Variants in ATR observed in about 807,000 individuals in gnomAD.
ATR encodes serine/threonine-protein kinase ATR.
Under a neutral mutation model 305.3 loss-of-function variants are expected in ATR, and 142 were observed. The ratio of observed to expected loss-of-function variants is 0.47; its 90% CI spans 0.41 to 0.53. ATR has a LOEUF of 0.53. Ranked by LOEUF, ATR falls within the 20% of genes least tolerant of loss-of-function variation. The pLI is 0.00. For synonymous variants in ATR, 1,050 were observed against 1,068.1 expected, an observed-to-expected ratio of 0.98 and a Z score of 0.33; for missense variants, 2,135 against 3,133.1, an observed-to-expected ratio of 0.68 and a Z score of 7.60.
In ATR at chr3:142,533,419, T is replaced by C. The variant is rs541458804; in HGVS notation, c.3945+1661A>G. ...GGCTAGTGGCTACTGCTGAAGAGTA[T>C]AGATATAGAATATTTTCATCCTCAC... On this transcript the variant is annotated intron_variant, in intron 21 of 46. Transcript: ENST00000350721. 3.3e-5 allele frequency among the ~76,000 whole-genome samples: 5 copies of C among 152,316 alleles called. No homozygotes were observed. In the South Asian group the frequency reaches 1.0e-3, roughly 32 times the overall value.
chr3:142,504,663 T>A (rs1195545159), intron 29 of ATR, among the ~76,000 whole-genome samples: 1 of 151,978 alleles, frequency 6.6e-6, no homozygotes, highest in Non-Finnish European at 1.5e-5. Flanking sequence ...AGGGTTTCAC[T>A]ATGTTGGCCA....
chr3:142,533,836 T>C (rs1482472678), intron 21 of ATR, among the ~76,000 whole-genome samples: 2 of 152,168 alleles, frequency 1.3e-5, no homozygotes, highest in African/African-American at 4.8e-5. Context: ...TCTATTAGCA[T>C]TGGGGCTTTA....
intron 1 of ATR, among the ~76,000 whole-genome samples, chr3:142,571,508 T>G (rs576894882): frequency 7.8e-6 from 1 of 127,436 alleles, no homozygotes; most frequent in Non-Finnish European, 1.7e-5. Context: ...AATAAATAAA[T>G]AATCAAAAGC....
At chr3:142,575,355 C>A (rs1230060185) in intron 1 of ATR, among the ~76,000 whole-genome samples, 7 of 151,542 alleles carry the variant, frequency 4.6e-5, no homozygotes, top group Non-Finnish European at 1.5e-5. Context: ...TGGTGCAAGC[C>A]TGTAGTCCCA....
At chr3:142,470,671 C>G (rs974134063) in intron 36 of ATR, among the ~76,000 whole-genome samples, 1 of 152,058 alleles carries the variant, frequency 6.6e-6, no homozygotes, top group African/African-American at 2.4e-5. Context: ...GGAATCAATA[C>G]CTACATATTA....
At chr3:142,568,620 T>G (rs993545232) in intron 1 of ATR, among the ~76,000 whole-genome samples, 1 of 152,178 alleles carries the variant, frequency 6.6e-6, no homozygotes, top group South Asian at 2.1e-4. Flanking sequence ...AGCCCAGCCA[T>G]CCTGGGTGCA....
chr3:142,513,115 TAAAAG>T (rs2032661091), intron 26 of ATR, among the ~76,000 whole-genome samples: 1 of 151,984 alleles, frequency 6.6e-6, no homozygotes, highest in African/African-American at 2.4e-5. Flanking sequence ...ACAGAAGGAT[TAAAAG>T]AAAATATAGC....
chr3:142,534,007 T>C (rs1270571215), intron 21 of ATR, among the ~76,000 whole-genome samples: 2 of 152,114 alleles, frequency 1.3e-5, no homozygotes, highest in African/African-American at 4.8e-5. Context: ...GAGGTGAAGT[T>C]TCCTTATGTT....
At chr3:142,552,666 T>A (rs1280895140) in intron 13 of ATR, among the ~76,000 whole-genome samples, 4 of 81,208 alleles carry the variant, frequency 4.9e-5, no homozygotes, top group South Asian at 3.5e-4. Context: ...CAATACTCCA[T>A]CTCAAAAAAA....
intron 36 of ATR, among the ~76,000 whole-genome samples, chr3:142,479,093 G>C (rs2030200661): frequency 6.6e-6 from 1 of 151,872 alleles, no homozygotes; most frequent in Admixed American, 6.6e-5. Flanking sequence ...TTACATTTAA[G>C]GTTAATATTG....
At chr3:142,471,435 A>G (rs537773016) in intron 36 of ATR, among the ~76,000 whole-genome samples, 1 of 152,158 alleles carries the variant, frequency 6.6e-6, no homozygotes, top group African/African-American at 2.4e-5. Flanking sequence ...TCTTTTTGAG[A>G]CCCATAGAGA....
intron 39 of ATR, among the ~76,000 whole-genome samples, chr3:142,467,490 A>C (rs2071157629): frequency 6.6e-6 from 1 of 152,198 alleles, no homozygotes; most frequent in South Asian, 2.1e-4. Flanking sequence ...GTGTACTAAA[A>C]GAATGAAAAG....
Position 142,508,106 on chromosome 3 carries a change from G to A in ATR, c.4856C>T (p.Ser1619Phe), listed in dbSNP as rs775093063. 1 of 1,608,728 alleles carries A rather than the reference G, an allele frequency of 6.2e-7. No individual in the cohort carries two copies. Among genetic ancestry groups the A allele is most frequent in the Non-Finnish European group, 8.5e-7 (1 of 1,177,790 alleles). ...SNRNKVDSMV[S>F]TVDYEDYQSV... is the part of the protein sequence containing the mutation. ...CTGATAGTCTTCATAATCCACAGTA[G>A]ATACTAGATCATAAAAAAAGTTGAG... Residue 1619 changes from serine to phenylalanine, a missense_variant, in exon 28 of 47, where the codon TCT (serine) becomes TTT (phenylalanine). Transcript: ENST00000350721.
At chr3:142,518,558 G>A (rs544023146) in intron 24 of ATR, among the ~76,000 whole-genome samples, 23 of 152,062 alleles carry the variant, frequency 1.5e-4, no homozygotes, top group Non-Finnish European at 2.5e-4. Context: ...CTTTAATAAG[G>A]CTAATAATAA....
chr3:142,465,406 T>C (rs1577505699), intron 40 of ATR, 166 bp from the exon 41 acceptor site: 2 of 468,712 alleles, frequency 4.3e-6, no homozygotes. Context: ...CTATGACCTA[T>C]GAAAAGAATG....
chr3:142,498,903 CAG>C lies in ATR; in HGVS notation c.5381-131_5381-130del. 6 of 865,748 alleles carry C rather than the reference CAG, an allele frequency of 6.9e-6. No homozygotes were observed. The Middle Eastern group carries it at 1.4e-3, about 200-fold the overall frequency. 53.6% of individuals were successfully genotyped at this position (865,748 alleles called of 1,614,324 possible). A position where few individuals can be genotyped will look rare whatever the true frequency, so the allele number is the denominator to read the frequency against. On this transcript the variant is annotated intron_variant, in intron 31 of 46. Coordinates refer to ENST00000350721, the MANE Select transcript of ATR (RefSeq NM_001184.4). ...TTCATTCCTTTTTTTTTTTTTGAGA[CAG>C]AGTCTCACTCTGTGGTCCAGGATAG...
At position 142,489,510 on chromosome 3, in the gene ATR, C is replaced by A. The variant is rs142596010; in HGVS notation, c.6078+3622G>T. On this transcript the variant is annotated intron_variant, in intron 35 of 46. Transcript: ENST00000350721. The stretch of plus-strand genomic sequence containing the variant: ...GGCAAATACTGATATAATTTCTATG[C>A]ATATACATTAATTATACCTGTTCTA... Among the ~76,000 whole-genome samples the A allele has an allele frequency of 5.3e-4, 81 of 152,282 alleles. 1 individual carries two copies. The highest frequency in any genetic ancestry group is 1.9e-3 in the African/African-American group (78 of 41,560).
intron 21 of ATR, 71 bp downstream of exon 21, chr3:142,535,009 T>C (rs2108423732): frequency 3.4e-6 from 5 of 1,485,834 alleles, no homozygotes; most frequent in Non-Finnish European, 4.6e-6. Flanking sequence ...AAAAATGTCA[T>C]TTTGTCATCT....
At position 142,523,919 on chromosome 3, in the gene ATR, T is replaced by G. The variant is rs2033260694; in HGVS notation, c.4152+74A>C. ...CTTTTATTAAGGATAAGCTGAATAG[T>G]TCTTTGTAAATGAAATATATAAACC... On this transcript the variant is annotated intron_variant, in intron 22 of 46. Transcript: ENST00000350721. 4 of 1,459,742 alleles carry G rather than the reference T, an allele frequency of 2.7e-6. No homozygotes were observed. In the South Asian group the frequency reaches 4.8e-5, roughly 18 times the overall value. 90.4% of individuals were successfully genotyped at this position (1,459,742 alleles called of 1,614,324 possible).
Sources: allele counts gnomAD v4.1 joint callset (sites outside exome capture counted in the v4.1 genomes callset), GRCh38; gene constraint gnomAD v4.1.1; transcripts MANE v1.5; gene names NCBI Gene and HGNC (gene_info 2026-07-23, HGNC 2026-07-21).